The following FARS2 variants were observed in gnomAD, a reference collection of about 807,000 sequenced individuals.
FARS2 encodes phenylalanine--tRNA ligase, mitochondrial.
FARS2 carries 40 observed loss-of-function variants against 46.4 expected under a neutral mutation model. The observed-to-expected ratio is 0.86, with a 90% CI of 0.67 to 1.12. FARS2 has a LOEUF of 1.12. FARS2 is among the 50% of genes most tolerant of loss of function. The probability of loss-of-function intolerance (pLI) is 0.00; values close to 1 mark genes in which losing one functional copy is unlikely to be tolerated. For missense variants in FARS2, 513 were observed against 567.9 expected (o/e 0.90, Z 0.98); for synonymous variants, 234 against 214.9 (o/e 1.09, Z -0.78).
intron 5 of FARS2, among the ~76,000 whole-genome samples, chr6:5,551,316 T>C (rs1307366395): frequency 1.3e-5 from 2 of 152,246 alleles, no homozygotes; most frequent in Non-Finnish European, 2.9e-5. Context: ...TTTTGACATC[T>C]GTATTGCTAC....
At chr6:5,313,797 CTT>C (rs1769258677) in intron 1 of FARS2, among the ~76,000 whole-genome samples, 2 of 151,878 alleles carry the variant, frequency 1.3e-5, no homozygotes, top group Non-Finnish European at 2.9e-5. Context: ...GCTTCCTAAA[CTT>C]TGCTGCACAA....
chr6:5,422,436 C>T (rs566069940), intron 3 of FARS2, among the ~76,000 whole-genome samples: 11 of 152,002 alleles, frequency 7.2e-5, no homozygotes, highest in Admixed American at 4.6e-4. Flanking sequence ...GGACACAGAC[C>T]GTGCCTTCTT....
chr6:5,708,487 A>T (rs1222187083), intron 6 of FARS2, among the ~76,000 whole-genome samples: 5 of 152,062 alleles, frequency 3.3e-5, no homozygotes, highest in Non-Finnish European at 1.5e-5. Context: ...TCCTGAAGGG[A>T]ATCAGGTGAA....
At position 5,709,681 on chromosome 6, in the gene FARS2, T is replaced by C. The variant is rs972593020; in HGVS notation, c.1218-61610T>C. On this transcript the variant is annotated intron_variant, in intron 6 of 6. Transcript: ENST00000274680. ...TTGATGTTCCAAGAGGGTGTGTGTG[T>C]GTGTGTGTGTGTGTGTGCGCATGCA... Among the ~76,000 whole-genome samples the C allele has an allele frequency of 7.6e-4, 21 of 27,576 alleles. 1 individual carries two copies. Among genetic ancestry groups the C allele is most frequent in the Admixed American group, 4.6e-3 (18 of 3,884 alleles). The allele number at this position is 27,576 out of a possible 152,430, so 18.1% of individuals were successfully genotyped here.
intron 4 of FARS2, among the ~76,000 whole-genome samples, chr6:5,477,933 T>C (rs1766219413): frequency 6.6e-6 from 1 of 151,972 alleles, no homozygotes; most frequent in South Asian, 2.1e-4. Context: ...GGTGGGAGGA[T>C]CACTTGAGCC....
intron 2 of FARS2, among the ~76,000 whole-genome samples, chr6:5,381,018 T>A (rs921984693): frequency 4.6e-4 from 26 of 55,938 alleles, no homozygotes; most frequent in Non-Finnish European, 1.5e-4. Flanking sequence ...TTATTTATTA[T>A]GAGACAGAGT....
intron 4 of FARS2, among the ~76,000 whole-genome samples, chr6:5,478,872 A>G (rs1458655553): frequency 1.3e-5 from 2 of 152,144 alleles, no homozygotes; most frequent in Non-Finnish European, 2.9e-5. Context: ...CCAAGGAGAG[A>G]GTGCTCAGGC....
chr6:5,561,322 A>T (rs1771971882), intron 5 of FARS2, among the ~76,000 whole-genome samples: 1 of 151,980 alleles, frequency 6.6e-6, no homozygotes, highest in African/African-American at 2.4e-5. Context: ...TTTCTTCTTA[A>T]TGAAGTATAT....
At chr6:5,481,260 A>C (rs1766439454) in intron 4 of FARS2, among the ~76,000 whole-genome samples, 1 of 152,238 alleles carries the variant, frequency 6.6e-6, no homozygotes, top group Non-Finnish European at 1.5e-5. Context: ...ATGTGGACAC[A>C]GTGCCAGGCG....
intron 6 of FARS2, among the ~76,000 whole-genome samples, chr6:5,628,564 G>T (rs143603550): frequency 6.6e-6 from 1 of 152,248 alleles, no homozygotes; most frequent in African/African-American, 2.4e-5. Flanking sequence ...GGCAGGCGAG[G>T]CCTCTTCTCT....
chr6:5,488,140 A>C (rs1471435704), intron 4 of FARS2, among the ~76,000 whole-genome samples: 1 of 152,144 alleles, frequency 6.6e-6, no homozygotes, highest in African/African-American at 2.4e-5. Flanking sequence ...CTTTCGTGTT[A>C]AGCCTAGACC....
At chr6:5,583,284 G>C (rs1260290883) in intron 5 of FARS2, among the ~76,000 whole-genome samples, 1 of 152,186 alleles carries the variant, frequency 6.6e-6, no homozygotes, top group Non-Finnish European at 1.5e-5. Context: ...GATAGGTCTT[G>C]GACCTCTGGA....
chr6:5,415,676 A>G lies in FARS2; in HGVS notation c.772+10975A>G, dbSNP rs368947485. Among the ~76,000 whole-genome samples, 11 of 152,210 alleles carry G rather than the reference A, an allele frequency of 7.2e-5. No individual in the cohort carries two copies. In the South Asian group the frequency reaches 1.0e-3, roughly 14 times the overall value. Reference sequence around the variant, plus strand: ...ATATTATGTACTTATTTGCATTCATATAACTATTTGGCAAAGTATTCAAAT... The same window carrying G: ...ATATTATGTACTTATTTGCATTCATGTAACTATTTGGCAAAGTATTCAAAT... On this transcript the variant is annotated intron_variant, in intron 3 of 6. Coordinates refer to ENST00000274680, the MANE Select transcript of FARS2 (RefSeq NM_006567.5).
chr6:5,560,236 G>A (rs1055099012), intron 5 of FARS2, among the ~76,000 whole-genome samples: 1 of 152,080 alleles, frequency 6.6e-6, no homozygotes, highest in African/African-American at 2.4e-5. Flanking sequence ...CAAATTAGGG[G>A]TGTTTCCTTC....
intron 4 of FARS2, chr6:5,467,160 C>A: frequency 2.5e-6 from 2 of 806,994 alleles, no homozygotes; most frequent in Non-Finnish European, 3.0e-6. Flanking sequence ...ATGTTTCTAT[C>A]TGTGGTTTAC....
chr6:5,429,758 T>C (rs1763056300), intron 3 of FARS2, among the ~76,000 whole-genome samples: 1 of 152,132 alleles, frequency 6.6e-6, no homozygotes, highest in South Asian at 2.1e-4. Context: ...TACAATGAAC[T>C]ATGATTGGGG....
intron 6 of FARS2, among the ~76,000 whole-genome samples, chr6:5,703,642 C>T (rs751489180): frequency 1.1e-4 from 16 of 152,112 alleles, no homozygotes; most frequent in Non-Finnish European, 1.8e-4. Context: ...TTGGGGAAGG[C>T]CTTGGGAACA....
chr6:5,458,819 G>A (rs1765065344), intron 4 of FARS2, among the ~76,000 whole-genome samples: 1 of 152,190 alleles, frequency 6.6e-6, no homozygotes, highest in Non-Finnish European at 1.5e-5. Flanking sequence ...GTAGCAATTT[G>A]ATTGCAGGAA....
intron 6 of FARS2, among the ~76,000 whole-genome samples, chr6:5,736,569 T>C (rs1289766537): frequency 1.3e-5 from 2 of 152,192 alleles, no homozygotes; most frequent in Admixed American, 6.5e-5. Flanking sequence ...CTAAGACATG[T>C]CACCTGATTA....
Sources: allele counts gnomAD v4.1 joint callset (sites outside exome capture counted in the v4.1 genomes callset), GRCh38; gene constraint gnomAD v4.1.1; transcripts MANE v1.5; gene names NCBI Gene and HGNC (gene_info 2026-07-23, HGNC 2026-07-21).